Variants in DESI2 observed in about 807,000 individuals in gnomAD.
The protein encoded by DESI2 is desumoylating isopeptidase 2, also known as deubiquitinase DESI2.
DESI2 carries 10 observed loss-of-function variants against 24.1 expected under a neutral mutation model. The ratio of observed to expected loss-of-function variants is 0.41; its 90% confidence interval spans 0.26 to 0.70. The LOEUF is 0.70. DESI2 is among the 30% of genes least tolerant of loss of function. DESI2 has a pLI of 0.29. For synonymous variants in DESI2, 71 were observed against 87.7 expected, an observed-to-expected ratio of 0.81 and a Z score of 1.06; for missense variants, 122 against 234.9, an observed-to-expected ratio of 0.52 and a Z score of 3.14.
intron 4 of DESI2, among the ~76,000 whole-genome samples, chr1:244,697,604 T>G (rs1393256858): frequency 6.6e-6 from 1 of 152,170 alleles, no homozygotes; most frequent in African/African-American, 2.4e-5. Flanking sequence ...TTGCCTGTTA[T>G]GAAAGGTAAA....
intron 1 of DESI2, among the ~76,000 whole-genome samples, chr1:244,678,292 A>G (rs1185515916): frequency 6.6e-6 from 1 of 152,338 alleles, no homozygotes; most frequent in South Asian, 2.1e-4. Context: ...AAATGTGTCA[A>G]AATATACCTT....
intron 1 of DESI2, among the ~76,000 whole-genome samples, chr1:244,661,758 C>T (rs1573179502): frequency 6.6e-6 from 1 of 152,164 alleles, no homozygotes; most frequent in African/African-American, 2.4e-5. Flanking sequence ...TTTATGGCTG[C>T]ATAGTATTCC....
chr1:244,674,057 C>T (rs1047735289), intron 1 of DESI2, among the ~76,000 whole-genome samples: 14 of 131,424 alleles, frequency 1.1e-4, no homozygotes, highest in Non-Finnish European at 1.4e-4. Flanking sequence ...TACAGTGGTG[C>T]GATCTCGGCT....
intron 1 of DESI2, among the ~76,000 whole-genome samples, chr1:244,685,408 T>C (rs765336531): frequency 1.8e-4 from 27 of 152,226 alleles, no homozygotes; most frequent in Admixed American, 6.5e-5. Flanking sequence ...CAAATTCTTA[T>C]ATATACAAGG....
chr1:244,657,732 A>T (rs1675697901), intron 1 of DESI2, among the ~76,000 whole-genome samples: 1 of 152,246 alleles, frequency 6.6e-6, no homozygotes, highest in Non-Finnish European at 1.5e-5. Context: ...TCGTCCTCTC[A>T]TAATTGTAAA....
chr1:244,660,349 G>C (rs1675797962), intron 1 of DESI2, among the ~76,000 whole-genome samples: 1 of 152,106 alleles, frequency 6.6e-6, no homozygotes, highest in African/African-American at 2.4e-5. Context: ...TGTATTTTTA[G>C]TAGAGGCAGG....
At chr1:244,705,444 C>T in intron 4 of DESI2, 112 bp from the exon 5 acceptor site, 2 of 783,794 alleles carry the variant, frequency 2.6e-6, no homozygotes, top group Non-Finnish European at 2.1e-6. Flanking sequence ...GAAGGCTAGT[C>T]TGCCGTGGCT....
intron 4 of DESI2, among the ~76,000 whole-genome samples, chr1:244,704,229 CT>C (rs1677601679): frequency 6.6e-6 from 1 of 152,154 alleles, no homozygotes; most frequent in South Asian, 2.1e-4. Flanking sequence ...TGTGAAACCC[CT>C]TTCCAAAGTT....
At chr1:244,693,711 G>A (rs529851727) in intron 4 of DESI2, among the ~76,000 whole-genome samples, 33 of 152,318 alleles carry the variant, frequency 2.2e-4, no homozygotes, top group African/African-American at 6.5e-4. Flanking sequence ...GATTACAGGC[G>A]TGAGCCACGG....
At chr1:244,692,955 C>T (rs950923797) in intron 4 of DESI2, among the ~76,000 whole-genome samples, 11 of 152,256 alleles carry the variant, frequency 7.2e-5, no homozygotes, top group South Asian at 6.2e-4. Context: ...TCTAGTCTAG[C>T]GGATGCATCA....
intron 4 of DESI2, among the ~76,000 whole-genome samples, chr1:244,692,288 TAACCTG>T (rs1677055635): frequency 6.6e-6 from 1 of 152,190 alleles, no homozygotes. Context: ...TATTTTATTA[TAACCTG>T]AAACTTTCAC....
Position 244,708,143 on chromosome 1 carries a change from C to G in DESI2, c.*2354C>G, listed in dbSNP as rs1677783852. The stretch of plus-strand genomic sequence containing the variant: ...AAAGAATCATTCTCAACCTGATAAT[C>G]TGTTAAGAAAAATCCCATATGAACA... On this transcript the variant is annotated 3_prime_UTR_variant, in exon 5 of 5. Coordinates refer to ENST00000302550, the MANE Select transcript of DESI2 (RefSeq NM_016076.5). The G allele has an allele frequency of 6.6e-6, 1 of 152,210 alleles. No individual in the cohort carries two copies. Among genetic ancestry groups the G allele is most frequent in the Non-Finnish European group, 1.5e-5 (1 of 68,040 alleles). 9.4% of individuals were successfully genotyped at this position (152,210 alleles called of 1,614,324 possible).
chr1:244,697,538 C>G (rs980536377), intron 4 of DESI2, among the ~76,000 whole-genome samples: 1 of 150,880 alleles, frequency 6.6e-6, no homozygotes, highest in African/African-American at 2.4e-5. Flanking sequence ...TATGGAAAAC[C>G]TTTGATGTCT....
At chr1:244,694,478 T>G (rs1573223493) in intron 4 of DESI2, 2 of 791,098 alleles carry the variant, frequency 2.5e-6, no homozygotes, top group Non-Finnish European at 4.5e-6. Context: ...GTTTAGGTGG[T>G]GTTCCTTCAC....
In DESI2 at chr1:244,653,274, G is replaced by T. The variant is rs764493564; in HGVS notation, c.-40G>T. On this transcript the variant is annotated 5_prime_UTR_variant, in exon 1 of 5. Transcript: ENST00000302550. ...GAGCGGCCTCCGGCCCCGCGGAGAC[G>T]GAGCGGCTTGAGGACGAGGCGGCGG... 3 of 1,470,434 alleles carry T rather than the reference G, an allele frequency of 2.0e-6. No individual in the cohort carries two copies. The highest frequency in any genetic ancestry group is 3.0e-5 in the African/African-American group (2 of 67,330). The allele number at this position is 1,470,434 out of a possible 1,614,324, so 91.1% of individuals were successfully genotyped here.
At chr1:244,680,921 A>G (rs1051850858) in intron 1 of DESI2, among the ~76,000 whole-genome samples, 2 of 148,988 alleles carry the variant, frequency 1.3e-5, no homozygotes, top group Non-Finnish European at 3.0e-5. Context: ...GCTGGCTTCT[A>G]TTAAAAAAAG....
intron 1 of DESI2, among the ~76,000 whole-genome samples, chr1:244,666,790 AAG>A (rs1229181137): frequency 6.6e-6 from 1 of 152,188 alleles, no homozygotes; most frequent in Non-Finnish European, 1.5e-5. Flanking sequence ...TGGGAACAAA[AAG>A]AGGTTTAATT....
chr1:244,691,410 C>T (rs897534068), intron 3 of DESI2, among the ~76,000 whole-genome samples: 15 of 152,312 alleles, frequency 9.8e-5, no homozygotes, highest in African/African-American at 3.6e-4. Context: ...TTTTAAAAAA[C>T]GTTTAGTCAG....
chr1:244,664,305 C>A (rs1675967111), intron 1 of DESI2, among the ~76,000 whole-genome samples: 2 of 152,102 alleles, frequency 1.3e-5, no homozygotes, highest in African/African-American at 4.8e-5. Context: ...ATACTTAATT[C>A]TTGTTTTGGA....
Sources: gnomAD v4.1 joint callset for allele counts (sites outside exome capture counted in the v4.1 genomes callset) on GRCh38, gnomAD v4.1.1 for gene constraint, MANE v1.5 for transcripts, NCBI Gene and HGNC (gene_info 2026-07-23, HGNC 2026-07-21) for gene names.